Variants in PLPPR4 observed in about 807,000 individuals in gnomAD.
The protein encoded by PLPPR4 is phospholipid phosphatase related 4.
PLPPR4 carries 24 observed loss-of-function variants against 56.6 expected under a neutral mutation model. The observed-to-expected ratio is 0.42, with a 90% CI of 0.31 to 0.60. The LOEUF is 0.60. Among genes scored for constraint, PLPPR4 ranks in the 20% least tolerant of loss-of-function variants. The pLI is 0.13. For synonymous variants in PLPPR4, 326 were observed against 328.1 expected (o/e 0.99, Z 0.07); for missense variants, 654 against 885.8 (o/e 0.74, Z 3.32).
intron 1 of PLPPR4, among the ~76,000 whole-genome samples, chr1:99,274,234 C>T (rs866258461): frequency 6.6e-6 from 1 of 151,820 alleles, no homozygotes; most frequent in Non-Finnish European, 1.5e-5. Flanking sequence ...GAATCTTGGG[C>T]AGTTAACTTA....
At position 99,286,771 on chromosome 1, in the gene PLPPR4, G is replaced by A. The variant is rs143493962; in HGVS notation, c.79-1194G>A. On this transcript the variant is annotated intron_variant, in intron 1 of 6. Coordinates refer to ENST00000370185, the MANE Select transcript of PLPPR4 (RefSeq NM_014839.5). ...GCAGTGAGCAGAGGGCTGAGAAGTG[G>A]TGAAAACGTAGTACAAGAAGAATCA... Among the ~76,000 whole-genome samples, 45 of 152,284 alleles carry A rather than the reference G, an allele frequency of 3.0e-4. No homozygotes were observed. The East Asian group carries it at 7.9e-3, about 27-fold the overall frequency.
intron 6 of PLPPR4, among the ~76,000 whole-genome samples, chr1:99,304,321 G>T (rs1216367659): frequency 6.6e-6 from 1 of 152,194 alleles, no homozygotes; most frequent in Non-Finnish European, 1.5e-5. Flanking sequence ...GCAATAGGCT[G>T]TACCATAGAG....
chr1:99,265,248 T>C (rs1658866123), intron 1 of PLPPR4, among the ~76,000 whole-genome samples: 1 of 151,146 alleles, frequency 6.6e-6, no homozygotes, highest in Non-Finnish European at 1.5e-5. Flanking sequence ...TGTACTGGCC[T>C]CTTTCCACAG....
At chr1:99,265,276 A>G (rs910025744) in intron 1 of PLPPR4, among the ~76,000 whole-genome samples, 15 of 152,110 alleles carry the variant, frequency 9.9e-5, no homozygotes, top group Admixed American at 8.5e-4. Flanking sequence ...TACATATTAT[A>G]TATGTGTGTA....
Position 99,299,144 on chromosome 1 carries a change from C to G in PLPPR4, c.504C>G (p.Thr168=). 1 of 1,613,026 alleles carries G rather than the reference C, an allele frequency of 6.2e-7. No homozygotes were observed. Among genetic ancestry groups the G allele is most frequent in the South Asian group, 1.1e-5 (1 of 91,048 alleles). Residue 168 remains threonine, a synonymous_variant, in exon 4 of 7, where the codon ACC becomes ACG. Transcript: ENST00000370185. ...TGACTGTGTGCAAACCAAACTATAC[C>G]TCTCTGAATGTATCTTGCAAAGAAA... ...YFLTVCKPNY[T]SLNVSCKENS...
chr1:99,306,994 G>A lies in PLPPR4; in HGVS notation c.2132G>A (p.Arg711Gln), dbSNP rs1424335755. 5.0e-6 allele frequency: 8 copies of A among 1,598,274 alleles called. No homozygotes were observed. The highest frequency in any genetic ancestry group is 6.8e-6 in the Non-Finnish European group (8 of 1,176,070). Residue 711 changes from arginine (R) to glutamine (Q), a missense_variant, in exon 7 of 7, where the codon CGG becomes CAG. Coordinates refer to ENST00000370185, the MANE Select transcript of PLPPR4 (RefSeq NM_014839.5). The surrounding 1 kb of genome is among the most constrained non-coding windows in gnomAD (Gnocchi z 4.0). ...TTCTACAAAGGAACCTCCCCCACAC[G>A]GGCTTATAAGGATTGAGTGATGTCC... ...NIFYKGTSPT[R>Q]AYKD is the part of the protein sequence containing the mutation.
chr1:99,296,096 T>G (rs1659733799), intron 2 of PLPPR4, among the ~76,000 whole-genome samples: 1 of 152,194 alleles, frequency 6.6e-6, no homozygotes. Context: ...TACTACTGTA[T>G]GACATTGTGA....
At position 99,306,399 on chromosome 1, in the gene PLPPR4, G is replaced by A; in HGVS notation, c.1537G>A (p.Ala513Thr). ...TGCTCGGGCCAAGTGGTTAAAAGCT[G>A]CTGAAAAGACTGTGGCCTGTAACAG... ...SSARAKWLKAAEKTVACNRSN... is the reference protein window; with the variant it reads ...SSARAKWLKATEKTVACNRSN... The change falls in exon 7 of 7, where the codon GCT (alanine) becomes ACT (threonine). Residue 513 changes from alanine to threonine, a missense_variant. Ala to Thr is a moderately conservative substitution (Grantham distance 58). Around this residue, in one of 2 missense-constraint regions of PLPPR4, gnomAD observed 468 missense variants for 554.3 expected, o/e 0.84. Coordinates refer to ENST00000370185, the MANE Select transcript of PLPPR4 (RefSeq NM_014839.5). This position sits in a 1 kb window ranked among gnomAD's most constrained non-coding sequence, Gnocchi z 4.0. The A allele has an allele frequency of 6.2e-7, 1 of 1,614,174 alleles. No homozygotes were observed. The highest frequency in any genetic ancestry group is 1.1e-5 in the South Asian group (1 of 91,080).
At chr1:99,287,793 A>T (rs1385778556) in intron 1 of PLPPR4, among the ~76,000 whole-genome samples, 172 bp from the exon 2 acceptor site, 1 of 152,146 alleles carries the variant, frequency 6.6e-6, no homozygotes, top group African/African-American at 2.4e-5. Context: ...GCTGTGACTA[A>T]GGGGGGTGAA....
chr1:99,269,664 T>C (rs1158293426), intron 1 of PLPPR4, among the ~76,000 whole-genome samples: 1 of 152,246 alleles, frequency 6.6e-6, no homozygotes, highest in African/African-American at 2.4e-5. Flanking sequence ...TTCTTTTTAC[T>C]TAAACATTCT....
intron 1 of PLPPR4, among the ~76,000 whole-genome samples, chr1:99,267,079 T>G (rs1253366364): frequency 4.6e-5 from 7 of 152,262 alleles, no homozygotes; most frequent in African/African-American, 1.7e-4. Flanking sequence ...AGCATATATT[T>G]TTAGCCTTCT....
intron 1 of PLPPR4, 93 bp downstream of exon 1, chr1:99,264,764 C>T (rs1402159558): frequency 7.2e-7 from 1 of 1,389,434 alleles, no homozygotes; most frequent in Non-Finnish European, 9.9e-7. Context: ...CGCAGAGATC[C>T]TGCCGGGCGC....
At chr1:99,267,288 AG>A (rs1658923733) in intron 1 of PLPPR4, among the ~76,000 whole-genome samples, 1 of 152,214 alleles carries the variant, frequency 6.6e-6, no homozygotes. Flanking sequence ...AAATGAGGGA[AG>A]GGAAACTTAC....
chr1:99,267,273 T>C (rs1272218954), intron 1 of PLPPR4, among the ~76,000 whole-genome samples: 1 of 152,164 alleles, frequency 6.6e-6, no homozygotes, highest in Non-Finnish European at 1.5e-5. Context: ...AAACTTTAAT[T>C]GGGAAAATGA....
In PLPPR4 at chr1:99,306,152, A is replaced by G. The variant is rs1557784306; in HGVS notation, c.1290A>G (p.Glu430=). Residue 430 remains glutamate (E), a synonymous_variant, in exon 7 of 7, where the codon GAA becomes GAG. Transcript: ENST00000370185. The surrounding 1 kb of genome is among the most constrained non-coding windows in gnomAD (Gnocchi z 4.0). ...GGCAGTCACCACCCAGATCCATAGAAATGAGGTCAAGCTCAGAGCCATCGA... is the reference window on the plus strand; with the variant it reads ...GGCAGTCACCACCCAGATCCATAGAGATGAGGTCAAGCTCAGAGCCATCGA... ...EPGQSPPRSI[E]MRSSSEPSRV... The G allele has an allele frequency of 7.4e-6, 12 of 1,614,100 alleles. No homozygotes were observed. Among genetic ancestry groups the G allele is most frequent in the East Asian group, 6.7e-5 (3 of 44,854 alleles).
intron 2 of PLPPR4, among the ~76,000 whole-genome samples, chr1:99,294,998 G>A (rs1295370333): frequency 1.3e-5 from 2 of 152,150 alleles, no homozygotes; most frequent in African/African-American, 4.8e-5. Context: ...ATATTATTCT[G>A]TGTAATTGTT....
intron 5 of PLPPR4, 122 bp downstream of exon 5, chr1:99,301,088 T>C: frequency 1.2e-6 from 1 of 827,772 alleles, no homozygotes; most frequent in South Asian, 1.6e-5. Flanking sequence ...AATTTAGCAC[T>C]GCAGCCTTTC....
Position 99,306,404 on chromosome 1 carries a change from A to T in PLPPR4, c.1542A>T (p.Glu514Asp). The T allele has an allele frequency of 6.2e-7, 1 of 1,614,186 alleles. No homozygotes were observed. The highest frequency in any genetic ancestry group is 2.2e-5 in the East Asian group (1 of 44,876). The change falls in exon 7 of 7, where the codon GAA becomes GAT. Residue 514 changes from glutamate (E) to aspartate (D), a missense_variant. By Grantham distance (45) the Glu-to-Asp change is conservative. Transcript: ENST00000370185. The surrounding 1 kb of genome is among the most constrained non-coding windows in gnomAD (Gnocchi z 4.0). Reference sequence around the variant, plus strand: ...GGGCCAAGTGGTTAAAAGCTGCTGAAAAGACTGTGGCCTGTAACAGAAGCA... The same window carrying T: ...GGGCCAAGTGGTTAAAAGCTGCTGATAAGACTGTGGCCTGTAACAGAAGCA... ...SARAKWLKAA[E>D]KTVACNRSNS...
At chr1:99,288,279 G>A (rs1659524184) in intron 2 of PLPPR4, 129 bp downstream of exon 2, 3 of 738,504 alleles carry the variant, frequency 4.1e-6, no homozygotes, top group Non-Finnish European at 6.5e-6. Context: ...ATGTCTTTGA[G>A]ATATATTGAC....
Sources: allele counts gnomAD v4.1 joint callset (sites outside exome capture counted in the v4.1 genomes callset), GRCh38; gene constraint gnomAD v4.1.1; regional missense constraint gnomAD v4.1.1; non-coding constraint Gnocchi (gnomAD v3.1); transcripts MANE v1.5; gene names NCBI Gene and HGNC (gene_info 2026-07-23, HGNC 2026-07-21).